Variants in SNX29 observed in about 807,000 individuals in gnomAD.
SNX29 encodes the protein sorting nexin-29.
Under a neutral mutation model 102.1 loss-of-function variants are expected in SNX29, and 78 were observed. That is an observed-to-expected ratio of 0.76 (90% CI 0.64 to 0.92). The LOEUF (loss-of-function observed/expected upper bound fraction) is 0.92. SNX29 is among the 40% of genes least tolerant of loss of function. The probability of loss-of-function intolerance (pLI) is 0.00; values close to 1 mark genes in which losing one functional copy is unlikely to be tolerated. For missense variants in SNX29, 1,280 were observed against 1,061.7 expected (o/e 1.21, Z -2.86); for synonymous variants, 580 against 414.5 (o/e 1.40, Z -4.85).
intron 17 of SNX29, among the ~76,000 whole-genome samples, chr16:12,402,639 C>T (rs2083990633): frequency 6.6e-6 from 1 of 152,186 alleles, no homozygotes; most frequent in South Asian, 2.1e-4. Flanking sequence ...GAAGACAAAA[C>T]AATCACATAA....
intron 19 of SNX29, chr16:12,515,579 C>T (rs759691932): frequency 2.0e-5 from 10 of 491,332 alleles, no homozygotes; most frequent in South Asian, 1.5e-4. Flanking sequence ...GCATTGCCTC[C>T]TCTGAATCTT....
At chr16:12,097,436 T>A (rs1303387640) in intron 11 of SNX29, among the ~76,000 whole-genome samples, 1 of 152,222 alleles carries the variant, frequency 6.6e-6, no homozygotes, top group South Asian at 2.1e-4. Flanking sequence ...GGCTGGTTGT[T>A]CCCTGCCTCA....
chr16:12,509,675 T>C (rs1469421203), intron 19 of SNX29, among the ~76,000 whole-genome samples: 1 of 152,134 alleles, frequency 6.6e-6, no homozygotes, highest in East Asian at 1.9e-4. Context: ...TCGCAGCACT[T>C]TGGGAGGCCA....
chr16:12,209,552 C>A (rs751801977), intron 14 of SNX29, among the ~76,000 whole-genome samples: 5 of 152,166 alleles, frequency 3.3e-5, no homozygotes, highest in Non-Finnish European at 7.3e-5. Flanking sequence ...CGAGACCCCT[C>A]ATTTCTGTTT....
intron 16 of SNX29, among the ~76,000 whole-genome samples, chr16:12,357,843 G>T (rs927876199): frequency 9.2e-5 from 14 of 152,126 alleles, no homozygotes; most frequent in African/African-American, 3.4e-4. Flanking sequence ...GAAGACACTG[G>T]ATTTGCCTTA....
chr16:12,538,877 T>TA (rs1242186382), intron 20 of SNX29, among the ~76,000 whole-genome samples: 1 of 149,778 alleles, frequency 6.7e-6, no homozygotes, highest in Admixed American at 6.7e-5. Flanking sequence ...ATGGGGCCAT[T>TA]TGTACACTTG....
Position 12,027,437 on chromosome 16 carries a change from C to G in SNX29, c.240C>G (p.Thr80=). The G allele has an allele frequency of 1.1e-5, 18 of 1,613,796 alleles. No homozygotes were observed. The highest frequency in any genetic ancestry group is 1.5e-5 in the Non-Finnish European group (18 of 1,179,888). ...IKQAAGFASK[T]ETEPVFWYYV... is the part of the protein sequence containing the mutation. ...AGGCAGCGGGCTTTGCCAGCAAAAC[C>G]GAAACAGGTACTGCTCTGCCTGGCT... Residue 80 remains threonine, a synonymous_variant, in exon 4 of 21, where the codon ACC becomes ACG. Coordinates refer to ENST00000566228, the MANE Select transcript of SNX29 (RefSeq NM_032167.5).
intron 16 of SNX29, among the ~76,000 whole-genome samples, chr16:12,381,494 C>T (rs1207010623): frequency 5.9e-5 from 4 of 67,288 alleles, no homozygotes; most frequent in Non-Finnish European, 1.1e-4. Context: ...CACCCACCCA[C>T]TCATCCACCC....
At chr16:12,154,197 G>T (rs924940373) in intron 13 of SNX29, among the ~76,000 whole-genome samples, 5 of 152,150 alleles carry the variant, frequency 3.3e-5, no homozygotes, top group South Asian at 2.1e-4. Context: ...TAAAACCCTG[G>T]AATGAAGTGC....
chr16:12,302,385 A>G (rs939840949), intron 15 of SNX29, among the ~76,000 whole-genome samples: 1 of 152,354 alleles, frequency 6.6e-6, no homozygotes, highest in Admixed American at 6.5e-5. Flanking sequence ...CTACTGTCTT[A>G]GTGTGTTCAG....
At chr16:12,091,090 T>A (rs922521842) in intron 11 of SNX29, among the ~76,000 whole-genome samples, 1 of 151,484 alleles carries the variant, frequency 6.6e-6, no homozygotes, top group African/African-American at 2.4e-5. Context: ...ACAAATACTT[T>A]CTTATTCATT....
At chr16:12,294,571 A>G (rs969412169) in intron 15 of SNX29, among the ~76,000 whole-genome samples, 2 of 152,098 alleles carry the variant, frequency 1.3e-5, no homozygotes, top group Non-Finnish European at 2.9e-5. Flanking sequence ...CTGTGGGCTC[A>G]TGCTGCCGCC....
At chr16:12,205,177 T>G (rs2077014209) in intron 14 of SNX29, among the ~76,000 whole-genome samples, 1 of 152,194 alleles carries the variant, frequency 6.6e-6, no homozygotes, top group South Asian at 2.1e-4. Flanking sequence ...TTTTTATTCT[T>G]TTTTTCTGAA....
intron 20 of SNX29, among the ~76,000 whole-genome samples, chr16:12,538,673 C>T (rs2077186472): frequency 6.6e-6 from 1 of 152,138 alleles, no homozygotes; most frequent in South Asian, 2.1e-4. Flanking sequence ...ACAGATCTTT[C>T]ATCCTCCTCC....
intron 19 of SNX29, among the ~76,000 whole-genome samples, chr16:12,484,056 A>G (rs1381353308): frequency 6.6e-6 from 1 of 152,156 alleles, no homozygotes; most frequent in Non-Finnish European, 1.5e-5. Flanking sequence ...CACCCATCCA[A>G]AACTATACAT....
intron 12 of SNX29, among the ~76,000 whole-genome samples, chr16:12,128,546 G>A (rs773755788): frequency 8.2e-5 from 12 of 146,458 alleles, no homozygotes; most frequent in South Asian, 2.1e-4. Context: ...TCTGCCTCCC[G>A]GGTTCAAGCA....
At chr16:12,034,186 A>G (rs2057413984) in intron 4 of SNX29, among the ~76,000 whole-genome samples, 1 of 152,210 alleles carries the variant, frequency 6.6e-6, no homozygotes. Context: ...TCATTGGGTC[A>G]CCTTGGGCAA....
chr16:12,489,527 T>C (rs1436196027), intron 19 of SNX29, among the ~76,000 whole-genome samples: 1 of 152,208 alleles, frequency 6.6e-6, no homozygotes, highest in Non-Finnish European at 1.5e-5. Context: ...TCCTCAGCCT[T>C]TGTGGCACTC....
rs772029130 is a variant in SNX29 at position 12,526,591 on chromosome 16, G to A, written c.2318+1750G>A. 56 of 531,316 alleles carry A rather than the reference G, an allele frequency of 1.1e-4. 1 individual carries two copies. The Middle Eastern group carries it at 2.5e-3, about 24-fold the overall frequency. The allele number at this position is 531,316 out of a possible 1,614,324, so 32.9% of individuals were successfully genotyped here. ...TTTGGAAATGGCCGCGATAGTTCAC[G>A]TGAGGAGTTCTCATCCTCTTAGCGG... On this transcript the variant is annotated intron_variant, in intron 20 of 20. Transcript: ENST00000566228.
Sources: gnomAD v4.1 joint callset for allele counts (sites outside exome capture counted in the v4.1 genomes callset) on GRCh38, gnomAD v4.1.1 for gene constraint, MANE v1.5 for transcripts, NCBI Gene and HGNC (gene_info 2026-07-23, HGNC 2026-07-21) for gene names.